DDX10: variants seen among roughly 807,000 people sequenced by gnomAD.
DDX10 encodes probable ATP-dependent RNA helicase DDX10.
A neutral mutation model predicts 104.3 loss-of-function variants in DDX10; 74 were observed. The observed-to-expected ratio is 0.71, with a 90% confidence interval of 0.59 to 0.86. The LOEUF is 0.86. Ranked by LOEUF, DDX10 falls within the 40% of genes least tolerant of loss-of-function variation. DDX10 has a pLI of 0.00. For synonymous variants in DDX10, 351 were observed against 353.4 expected (o/e 0.99, Z 0.08); for missense variants, 952 against 1,040.0 (o/e 0.92, Z 1.16).
At chr11:108,864,830 A>G (rs1862988038) in intron 16 of DDX10, among the ~76,000 whole-genome samples, 1 of 152,144 alleles carries the variant, frequency 6.6e-6, no homozygotes, top group Non-Finnish European at 1.5e-5. Flanking sequence ...CCCCCATGGC[A>G]GAATGTATAC....
At chr11:108,917,748 C>T in intron 16 of DDX10, 125 bp from the exon 17 acceptor site, 8 of 908,036 alleles carry the variant, frequency 8.8e-6, no homozygotes, top group Non-Finnish European at 1.0e-5. Context: ...TAAGGGCCTA[C>T]ACCAGAAGAG....
chr11:108,812,001 TGTTA>T (rs1862189462), intron 13 of DDX10, among the ~76,000 whole-genome samples: 1 of 152,220 alleles, frequency 6.6e-6, no homozygotes, highest in South Asian at 2.1e-4. Flanking sequence ...GATCTTTTTT[TGTTA>T]ATGTTCACTT....
intron 13 of DDX10, among the ~76,000 whole-genome samples, chr11:108,793,536 G>A (rs1299156016): frequency 6.6e-6 from 1 of 152,020 alleles, no homozygotes; most frequent in African/African-American, 2.4e-5. Flanking sequence ...AGGCGTGCTG[G>A]AATTAACTCA....
chr11:108,764,363 A>G (rs1448339560), intron 13 of DDX10, among the ~76,000 whole-genome samples: 1 of 152,162 alleles, frequency 6.6e-6, no homozygotes, highest in African/African-American at 2.4e-5. Flanking sequence ...TCCAAGGCAC[A>G]ACACTTCTAC....
At chr11:108,896,018 C>A (rs1392191810) in intron 16 of DDX10, among the ~76,000 whole-genome samples, 1 of 152,052 alleles carries the variant, frequency 6.6e-6, no homozygotes, top group Non-Finnish European at 1.5e-5. Flanking sequence ...TACATCGTGC[C>A]ACCCAAATGT....
intron 16 of DDX10, among the ~76,000 whole-genome samples, chr11:108,854,564 C>T (rs748075911): frequency 3.0e-4 from 46 of 152,152 alleles, no homozygotes; most frequent in Non-Finnish European, 5.9e-4. Flanking sequence ...CTTAATTTAC[C>T]AGGAAATGTA....
intron 13 of DDX10, among the ~76,000 whole-genome samples, chr11:108,734,485 A>G (rs370725874): frequency 5.3e-5 from 8 of 151,788 alleles, no homozygotes; most frequent in South Asian, 4.2e-4. Flanking sequence ...TTTTTTTCCT[A>G]TTTGAGTTTG....
intron 7 of DDX10, chr11:108,691,016 C>G (rs142140538): frequency 1.3e-5 from 2 of 152,356 alleles, no homozygotes; most frequent in Non-Finnish European, 2.9e-5. Flanking sequence ...CTAAGTCCAG[C>G]TATCTCTGAT....
chr11:108,835,017 G>T (rs1862534982), intron 13 of DDX10, among the ~76,000 whole-genome samples: 1 of 152,002 alleles, frequency 6.6e-6, no homozygotes, highest in Non-Finnish European at 1.5e-5. Flanking sequence ...AGCCCTGGTG[G>T]TTGTGTTGAT....
intron 13 of DDX10, among the ~76,000 whole-genome samples, chr11:108,732,406 A>G (rs1309124001): frequency 6.6e-6 from 1 of 152,078 alleles, no homozygotes; most frequent in Non-Finnish European, 1.5e-5. Context: ...GCTTTCTGTA[A>G]TTGGGTAATG....
At position 108,678,421 on chromosome 11, in the gene DDX10, A is replaced by C. The variant is rs1257198743; in HGVS notation, c.644A>C (p.Asp215Ala). 1 of 1,603,374 alleles carries C rather than the reference A, an allele frequency of 6.2e-7. No individual in the cohort carries two copies. The change falls in exon 5 of 18, where the codon GAC becomes GCC. Residue 215 changes from aspartate to alanine, a missense_variant. Coordinates refer to ENST00000322536, the MANE Select transcript of DDX10 (RefSeq NM_004398.4). ...GAAACAGTATCTTTTCATGCTACCG[A>C]CCTCCAAATGTTAGGTGAGTCAAAT... The part of the protein sequence containing the change: ...MDETVSFHAT[D>A]LQMLVLDEAD...
chr11:108,843,492 G>T (rs1862669878), intron 15 of DDX10, among the ~76,000 whole-genome samples: 1 of 151,250 alleles, frequency 6.6e-6, no homozygotes, highest in South Asian at 2.1e-4. Flanking sequence ...GGGCGCGGTG[G>T]CTCACACCTG....
chr11:108,927,177 T>C lies in DDX10; in HGVS notation c.2450+9159T>C, dbSNP rs188622272. On this transcript the variant is annotated intron_variant, in intron 17 of 17. Coordinates refer to ENST00000322536, the MANE Select transcript of DDX10 (RefSeq NM_004398.4). ...AAAGGAAAGAAGAAAAAGCAAGAGA[T>C]TGAAAAGCTGCTCAGACAGTCTAAT... 5.4e-4 allele frequency among the ~76,000 whole-genome samples: 82 copies of C among 152,334 alleles called. No homozygotes were observed. The Middle Eastern group carries it at 0.01, about 19-fold the overall frequency.
chr11:108,829,295 G>T (rs929503948), intron 13 of DDX10, among the ~76,000 whole-genome samples: 3 of 152,120 alleles, frequency 2.0e-5, no homozygotes, highest in Admixed American at 6.5e-5. Flanking sequence ...GGCCATTGCT[G>T]CAGGAGTGAG....
intron 7 of DDX10, among the ~76,000 whole-genome samples, chr11:108,691,318 A>G (rs1043736499): frequency 5.9e-5 from 9 of 152,226 alleles, no homozygotes; most frequent in Non-Finnish European, 1.3e-4. Flanking sequence ...TAACCCCCAT[A>G]TTAGAGAAAA....
chr11:108,836,348 C>G (rs1238477086), intron 13 of DDX10, among the ~76,000 whole-genome samples: 2 of 152,172 alleles, frequency 1.3e-5, no homozygotes. Flanking sequence ...AAACAACTTT[C>G]TTGTAGTTAA....
At chr11:108,724,384 C>T (rs754042661) in intron 13 of DDX10, among the ~76,000 whole-genome samples, 2 of 151,676 alleles carry the variant, frequency 1.3e-5, no homozygotes, top group Admixed American at 6.6e-5. Context: ...AAATAAAGGT[C>T]GTTACTACTA....
intron 16 of DDX10, among the ~76,000 whole-genome samples, chr11:108,865,973 T>C (rs1863003821): frequency 6.6e-6 from 1 of 152,210 alleles, no homozygotes. Context: ...ATGTGTCGGG[T>C]AGTATTCTAA....
At chr11:108,676,970 AG>A in intron 3 of DDX10, 114 bp from the exon 4 acceptor site, 1 of 849,044 alleles carries the variant, frequency 1.2e-6, no homozygotes, top group Non-Finnish European at 1.8e-6. Context: ...ATAAAACTTG[AG>A]TGGTATGCCT....
Sources: gnomAD v4.1 joint callset for allele counts (sites outside exome capture counted in the v4.1 genomes callset) on GRCh38, gnomAD v4.1.1 for gene constraint, MANE v1.5 for transcripts, NCBI Gene and HGNC (gene_info 2026-07-23, HGNC 2026-07-21) for gene names.